Variants in PBX3 observed in about 807,000 individuals in gnomAD.
PBX3 encodes the protein PBX homeobox 3, also known as pre-B-cell leukemia transcription factor 3.
Under a neutral mutation model 48.5 loss-of-function variants are expected in PBX3, and 14 were observed. That is an observed-to-expected ratio of 0.29 (90% confidence interval 0.19 to 0.45). PBX3 has a LOEUF of 0.45. Among genes scored for constraint, PBX3 ranks in the 20% least tolerant of loss-of-function variants. The pLI is 1.00. For missense variants in PBX3, 386 were observed against 546.7 expected (o/e 0.71, Z 2.93); for synonymous variants, 210 against 200.3 (o/e 1.05, Z -0.41).
At chr9:125,964,150 T>C (rs979313317) in intron 8 of PBX3, among the ~76,000 whole-genome samples, 4 of 152,250 alleles carry the variant, frequency 2.6e-5, no homozygotes, top group African/African-American at 7.2e-5. Context: ...CTGATGAGGC[T>C]TGATAAGGCG....
At chr9:125,754,627 C>G (rs144375864) in intron 2 of PBX3, among the ~76,000 whole-genome samples, 158 of 152,168 alleles carry the variant, frequency 1.0e-3, no homozygotes, top group African/African-American at 3.7e-3. Flanking sequence ...TAATCTTCAA[C>G]ACTTGATTCT....
Position 125,765,445 on chromosome 9 carries a change from C to T in PBX3, c.274+16822C>T, listed in dbSNP as rs933208042. Among the ~76,000 whole-genome samples the T allele has an allele frequency of 1.3e-4, 20 of 151,948 alleles. 1 individual carries two copies. The highest frequency in any genetic ancestry group is 1.9e-4 in the East Asian group (1 of 5,176). ...GATTACAGGCGTGAGGCACAGCGCC[C>T]GACCAAGAAATTAGTTTTTATAAAA... is the stretch of plus-strand genomic sequence containing the variant. On this transcript the variant is annotated intron_variant, in intron 2 of 8. Coordinates refer to ENST00000373489, the MANE Select transcript of PBX3 (RefSeq NM_006195.6).
At chr9:125,849,299 G>A (rs564527297) in intron 2 of PBX3, among the ~76,000 whole-genome samples, 2 of 151,682 alleles carry the variant, frequency 1.3e-5, no homozygotes, top group Non-Finnish European at 2.9e-5. Context: ...TTTATTTATT[G>A]TGCTATCCTT....
At chr9:125,847,213 A>G (rs1304460885) in intron 2 of PBX3, among the ~76,000 whole-genome samples, 1 of 151,938 alleles carries the variant, frequency 6.6e-6, no homozygotes, top group Non-Finnish European at 1.5e-5. Flanking sequence ...CTATTAGTTT[A>G]TTTGGGGTAG....
chr9:125,899,454 TAG>T (rs202004098), intron 2 of PBX3, among the ~76,000 whole-genome samples: 47,752 of 103,546 alleles, frequency 0.46, 12,389 homozygotes, highest in South Asian at 0.54. Flanking sequence ...TATATATATA[TAG>T]AGAGAGAGAG....
intron 3 of PBX3, among the ~76,000 whole-genome samples, chr9:125,917,023 A>G (rs1281151546): frequency 6.6e-6 from 1 of 152,216 alleles, no homozygotes; most frequent in Non-Finnish European, 1.5e-5. Flanking sequence ...ATAAACAGTT[A>G]TCAACATTTT....
At position 125,899,452 on chromosome 9, in the gene PBX3, TATAGAGAGAG is replaced by T. The variant is rs1271788513; in HGVS notation, c.275-16232_275-16223del. Among the ~76,000 whole-genome samples the T allele has an allele frequency of 4.3e-3, 381 of 89,074 alleles. 10 individuals are homozygous for T. The highest frequency in any genetic ancestry group is 0.014 in the African/African-American group (329 of 24,304). 58.4% of individuals were successfully genotyped at this position (89,074 alleles called of 152,430 possible). A position where few individuals can be genotyped will look rare whatever the true frequency, so the allele number is the denominator to read the frequency against. On this transcript the variant is annotated intron_variant, in intron 2 of 8. Coordinates refer to ENST00000373489, the MANE Select transcript of PBX3 (RefSeq NM_006195.6). The stretch of plus-strand genomic sequence containing the variant: ...CTATATATATGTGTGTATATATATA[TATAGAGAGAG>T]AGAGAGAGAGAGAGAGAGAGAGAGA...
intron 2 of PBX3, among the ~76,000 whole-genome samples, chr9:125,806,481 C>T (rs1838128780): frequency 6.6e-6 from 1 of 152,122 alleles, no homozygotes; most frequent in Non-Finnish European, 1.5e-5. Context: ...TCCAGGATGG[C>T]ACCTTGCATG....
intron 2 of PBX3, among the ~76,000 whole-genome samples, chr9:125,771,389 T>C (rs1342148929): frequency 6.6e-6 from 1 of 152,206 alleles, no homozygotes; most frequent in Non-Finnish European, 1.5e-5. Context: ...CAATGGTTAT[T>C]TAGCTAAAAT....
intron 2 of PBX3, among the ~76,000 whole-genome samples, chr9:125,853,108 GATTATACT>G (rs1418160157): frequency 6.6e-6 from 1 of 152,110 alleles, no homozygotes; most frequent in African/African-American, 2.4e-5. Context: ...CCCACCCAGA[GATTATACT>G]GTTGGCCATG....
At chr9:125,906,847 G>T (rs538106130) in intron 2 of PBX3, among the ~76,000 whole-genome samples, 1 of 151,966 alleles carries the variant, frequency 6.6e-6, no homozygotes, top group Non-Finnish European at 1.5e-5. Flanking sequence ...TAATTGAGAG[G>T]ATGCATAGCT....
intron 5 of PBX3, among the ~76,000 whole-genome samples, chr9:125,956,255 C>G (rs753669198): frequency 1.1e-4 from 16 of 152,162 alleles, no homozygotes; most frequent in Admixed American, 6.5e-4. Context: ...TAGTAAATAG[C>G]AGAGCGTGAA....
At chr9:125,950,752 G>T (rs1313865551) in intron 5 of PBX3, among the ~76,000 whole-genome samples, 1 of 152,152 alleles carries the variant, frequency 6.6e-6, no homozygotes, top group Admixed American at 6.5e-5. Flanking sequence ...AAAGTGTTGG[G>T]ATTACAGGTG....
rs576379800 is a variant in PBX3 at position 125,964,919 on chromosome 9, G to C, written c.1213-912G>C. 6.6e-5 allele frequency among the ~76,000 whole-genome samples: 10 copies of C among 152,222 alleles called. No individual in the cohort carries two copies. In the East Asian group the frequency reaches 1.9e-3, roughly 29 times the overall value. ...ACATTGGTGTAGGAGGTCCGGGTCT[G>C]GGGGCAGCATGGCGGCAGAGGGTGG... On this transcript the variant is annotated intron_variant, in intron 8 of 8. Coordinates refer to ENST00000373489, the MANE Select transcript of PBX3 (RefSeq NM_006195.6).
intron 2 of PBX3, among the ~76,000 whole-genome samples, chr9:125,868,585 G>C (rs1840044206): frequency 6.6e-6 from 1 of 152,206 alleles, no homozygotes; most frequent in African/African-American, 2.4e-5. Flanking sequence ...GTCTGTCAGT[G>C]CTGACCTAGA....
intron 2 of PBX3, among the ~76,000 whole-genome samples, chr9:125,872,942 G>T (rs180778940): frequency 6.6e-6 from 1 of 151,702 alleles, no homozygotes; most frequent in East Asian, 1.9e-4. Flanking sequence ...GCTCACGTCT[G>T]TAATCCCAGC....
chr9:125,854,154 CAG>C (rs1214540448), intron 2 of PBX3, among the ~76,000 whole-genome samples: 1 of 152,200 alleles, frequency 6.6e-6, no homozygotes, highest in South Asian at 2.1e-4. Context: ...TGTTTTGAGA[CAG>C]GGTCTCACGC....
At chr9:125,815,825 A>T (rs1343451861) in intron 2 of PBX3, among the ~76,000 whole-genome samples, 1 of 152,078 alleles carries the variant, frequency 6.6e-6, no homozygotes, top group Non-Finnish European at 1.5e-5. Context: ...AGCCTCTGTC[A>T]GTCTTTGCTG....
At chr9:125,750,207 T>C (rs1836332561) in intron 2 of PBX3, among the ~76,000 whole-genome samples, 1 of 152,248 alleles carries the variant, frequency 6.6e-6, no homozygotes, top group African/African-American at 2.4e-5. Context: ...CACTGGGGTA[T>C]TGACTATGTT....
Sources: gnomAD v4.1 joint callset for allele counts (sites outside exome capture counted in the v4.1 genomes callset) on GRCh38, gnomAD v4.1.1 for gene constraint, MANE v1.5 for transcripts, NCBI Gene and HGNC (gene_info 2026-07-23, HGNC 2026-07-21) for gene names.